The following PEX5 variants were observed in gnomAD, a reference collection of about 807,000 sequenced individuals.
PEX5 encodes the protein peroxisomal biogenesis factor 5, also known as PTS1 receptor.
A neutral mutation model predicts 82.9 loss-of-function variants in PEX5; 52 were observed. The ratio of observed to expected loss-of-function variants is 0.63; its 90% CI spans 0.50 to 0.79. PEX5 has a LOEUF of 0.79. Among genes scored for constraint, PEX5 ranks in the 30% least tolerant of loss-of-function variants. The probability of loss-of-function intolerance (pLI) is 0.00; values close to 1 mark genes in which losing one functional copy is unlikely to be tolerated. For missense variants in PEX5, 719 were observed against 815.2 expected, an observed-to-expected ratio of 0.88 and a Z score of 1.44; for synonymous variants, 300 against 318.8, an observed-to-expected ratio of 0.94 and a Z score of 0.63.
At chr12:7,201,871 A>G (rs775089250) in intron 7 of PEX5, 30 bp downstream of exon 7, 2 of 1,518,510 alleles carry the variant, frequency 1.3e-6, no homozygotes, top group Non-Finnish European at 1.8e-6. Context: ...TGCTTTGCCC[A>G]GCAGAGCTGG....
intron 5 of PEX5, among the ~76,000 whole-genome samples, chr12:7,194,576 T>G (rs900031785): frequency 1.3e-5 from 2 of 152,214 alleles, no homozygotes; most frequent in African/African-American, 2.4e-5. Context: ...ATGAAGTTCA[T>G]TTTTTTAGCT....
rs146764458 is a variant in PEX5, at chr12:7,202,167, C to T, written c.643-74C>T. ...GTCAGGGGAGGGGTGAGTACAGGGT[C>T]CTCTTGGGCATGGTTGAGAGTGCAC... On this transcript the variant is annotated intron_variant, in intron 7 of 15. Transcript: ENST00000675855. 1.9e-5 allele frequency: 30 copies of T among 1,611,074 alleles called. No homozygotes were observed. The African/African-American group carries it at 3.5e-4, about 19-fold the overall frequency.
chr12:7,190,164 T>C (rs1392272699), intron 1 of PEX5, 198 bp from the exon 2 acceptor site: 1 of 1,496,818 alleles, frequency 6.7e-7, no homozygotes, highest in East Asian at 2.4e-5. Context: ...AGCGGTGGCC[T>C]TTGAGGGGGG....
chr12:7,196,344 TATATA>T (rs1379202894), intron 5 of PEX5, among the ~76,000 whole-genome samples: 5 of 136,064 alleles, frequency 3.7e-5, no homozygotes, highest in Non-Finnish European at 6.1e-5. Flanking sequence ...ATATATGTCA[TATATA>T]ATTTAATTAT....
chr12:7,205,251 A>T (rs2136197251), intron 10 of PEX5, among the ~76,000 whole-genome samples: 1 of 152,276 alleles, frequency 6.6e-6, no homozygotes, highest in Admixed American at 6.5e-5. Context: ...CAAAATTAGG[A>T]CTAGAAATAC....
chr12:7,212,567 T>TTTAA (rs1591818136), downstream of PEX5, among the ~76,000 whole-genome samples: 1 of 152,050 alleles, frequency 6.6e-6, no homozygotes, highest in East Asian at 1.9e-4. Context: ...GCTATTGCTA[T>TTTAA]TTAATCATTT....
intron 8 of PEX5, 75 bp downstream of exon 8, chr12:7,202,426 TC>T: frequency 6.4e-7 from 1 of 1,566,404 alleles, no homozygotes. Flanking sequence ...TGGTCAGTGG[TC>T]CCAGATGGGG....
chr12:7,206,800 T>G (rs1391835438), intron 10 of PEX5, among the ~76,000 whole-genome samples: 1 of 152,222 alleles, frequency 6.6e-6, no homozygotes, highest in African/African-American at 2.4e-5. Context: ...GACCTCCACC[T>G]GTTGTTTTGC....
intron 5 of PEX5, among the ~76,000 whole-genome samples, chr12:7,194,476 T>TTG (rs966561930): frequency 7.2e-5 from 11 of 152,248 alleles, no homozygotes; most frequent in South Asian, 2.1e-4. Flanking sequence ...ATGCCCTTAT[T>TTG]TGTGTGTGTG....
At position 7,211,425 on chromosome 12, in the gene PEX5, T is replaced by C. The variant is rs1945558690; in HGVS notation, c.*1202T>C. ...CTTTGTATGAATATGTGTAAATGAT[T>C]TAAAAATAAAACTGTAAAATATTTG... On this transcript the variant is annotated 3_prime_UTR_variant, in exon 16 of 16. Coordinates refer to ENST00000675855, the MANE Select transcript of PEX5 (RefSeq NM_001351132.2). 6.6e-6 allele frequency: 1 copy of C among 152,222 alleles called. No individual in the cohort carries two copies. The highest frequency in any genetic ancestry group is 1.5e-5 in the Non-Finnish European group (1 of 68,040). 9.4% of individuals were successfully genotyped at this position (152,222 alleles called of 1,614,324 possible).
chr12:7,190,001 C>T (rs1339921621), intron 1 of PEX5: 3 of 1,503,276 alleles, frequency 2.0e-6, no homozygotes, highest in Middle Eastern at 1.7e-4. Context: ...GCTGTTTTCC[C>T]ACTGTCCCTT....
intron 17 of PEX5, among the ~76,000 whole-genome samples, chr12:7,217,751 C>T (rs1945818414): frequency 6.6e-6 from 1 of 152,240 alleles, no homozygotes; most frequent in African/African-American, 2.4e-5. Context: ...GCTTTGCAGC[C>T]TCCACCCATA....
rs1250396962 is a variant in PEX5 at position 7,190,274 on chromosome 12, G to T, written c.-16-88G>T. On this transcript the variant is annotated intron_variant, in intron 1 of 15. Transcript: ENST00000675855. ...GGCGGCCAGTGTGGGGCAGACGCCT[G>T]TGTGCCTTCCTCAGATACGGGCAGA... is the stretch of plus-strand genomic sequence containing the variant. 1.9e-6 allele frequency: 3 copies of T among 1,594,282 alleles called. No homozygotes were observed. The East Asian group carries it at 6.7e-5, about 36-fold the overall frequency.
In PEX5 at chr12:7,190,878, T is replaced by C. The variant is rs2135889432; in HGVS notation, c.148-10T>C. ...CTGCGTCATTGTACATCTCTGTCTT[T>C]CTCTCTTAGGCCTCCAAGCCTTTGG... On this transcript the variant is annotated splice_polypyrimidine_tract_variant and intron_variant, in intron 2 of 15. Transcript: ENST00000675855. 1 of 1,612,804 alleles carries C rather than the reference T, an allele frequency of 6.2e-7. No homozygotes were observed. The highest frequency in any genetic ancestry group is 1.1e-5 in the South Asian group (1 of 91,044).
rs1945518248 is a variant in PEX5 at position 7,211,108 on chromosome 12, A to C, written c.*885A>C. On this transcript the variant is annotated 3_prime_UTR_variant, in exon 16 of 16. Transcript: ENST00000675855. ...ACTGTTATAGAAAATTGGTTCAGAA[A>C]GTGCAATCTTGCCAGATTTCTAGCA... 6.5e-6 allele frequency: 1 copy of C among 152,752 alleles called. No homozygotes were observed. The highest frequency in any genetic ancestry group is 2.4e-5 in the African/African-American group (1 of 41,464). 9.5% of individuals were successfully genotyped at this position (152,752 alleles called of 1,614,324 possible). A position where few individuals can be genotyped will look rare whatever the true frequency, so the allele number is the denominator to read the frequency against.
downstream of PEX5, chr12:7,212,933 C>T (rs1334702939): frequency 6.6e-6 from 1 of 152,176 alleles, no homozygotes; most frequent in African/African-American, 2.4e-5. Context: ...AGTTTCCACA[C>T]TACATAGGTG....
Position 7,189,714 on chromosome 12 carries a change from T to G in PEX5, c.-53T>G. ...TTCTCCCCTCCCCCAAGCCAGCACC[T>G]GGTGCCCCGGCGGGTCGTGCGGCGC... On this transcript the variant is annotated 5_prime_UTR_variant, in exon 1 of 16. Coordinates refer to ENST00000675855, the MANE Select transcript of PEX5 (RefSeq NM_001351132.2). The G allele has an allele frequency of 2.9e-6, 1 of 341,366 alleles. No homozygotes were observed. The highest frequency in any genetic ancestry group is 5.2e-6 in the Non-Finnish European group (1 of 193,902). 21.1% of individuals were successfully genotyped at this position (341,366 alleles called of 1,614,324 possible).
chr12:7,200,163 A>C (rs1400336945), intron 6 of PEX5, among the ~76,000 whole-genome samples: 1 of 145,672 alleles, frequency 6.9e-6, no homozygotes, highest in Admixed American at 6.8e-5. Flanking sequence ...GGGTCTCCTC[A>C]CTTCTCAGAC....
At chr12:7,198,947 T>G in intron 5 of PEX5, 64 bp from the exon 6 acceptor site, 1 of 895,980 alleles carries the variant, frequency 1.1e-6, no homozygotes, top group Non-Finnish European at 1.8e-6. Context: ...GGCATCTCTT[T>G]CCCTTTCCTT....
Sources: allele counts gnomAD v4.1 joint callset (sites outside exome capture counted in the v4.1 genomes callset), GRCh38; gene constraint gnomAD v4.1.1; transcripts MANE v1.5; gene names NCBI Gene and HGNC (gene_info 2026-07-23, HGNC 2026-07-21).